The following PTPRK variants were observed in gnomAD, a reference collection of about 807,000 sequenced individuals.
PTPRK encodes protein tyrosine phosphatase receptor type K, also known as receptor-type tyrosine-protein phosphatase kappa.
In PTPRK, 75 loss-of-function variants were observed where a neutral mutation model predicts 178.0. That is an observed-to-expected ratio of 0.42 (90% CI 0.35 to 0.51). PTPRK has a LOEUF of 0.51. Among genes scored for constraint, PTPRK ranks in the 20% least tolerant of loss-of-function variants. The pLI is 0.02. For missense variants in PTPRK, 1,441 were observed against 1,797.8 expected (o/e 0.80, Z 3.59); for synonymous variants, 637 against 620.6 (o/e 1.03, Z -0.39).
At chr6:128,125,101 T>C (rs1228224276) in intron 7 of PTPRK, among the ~76,000 whole-genome samples, 5 of 152,264 alleles carry the variant, frequency 3.3e-5, no homozygotes, top group Admixed American at 6.5e-5. Flanking sequence ...TCAAATTTTC[T>C]GTACAATCCT....
chr6:128,076,137 T>A (rs1371558758), intron 11 of PTPRK, among the ~76,000 whole-genome samples: 3 of 151,932 alleles, frequency 2.0e-5, no homozygotes, highest in Non-Finnish European at 1.5e-5. Flanking sequence ...TTGCTTCAAG[T>A]ACATTTGAAG....
intron 6 of PTPRK, among the ~76,000 whole-genome samples, chr6:128,215,996 A>G (rs1320602317): frequency 6.6e-6 from 1 of 152,112 alleles, no homozygotes; most frequent in Non-Finnish European, 1.5e-5. Flanking sequence ...GGTTATCTCT[A>G]CAAACAAGAA....
chr6:128,471,611 A>G (rs1850668319), intron 1 of PTPRK, among the ~76,000 whole-genome samples: 1 of 148,938 alleles, frequency 6.7e-6, no homozygotes, highest in Non-Finnish European at 1.5e-5. Flanking sequence ...ACCTAAAAAA[A>G]AAAAAAAAAA....
chr6:128,370,740 T>G (rs1458292209), intron 2 of PTPRK, among the ~76,000 whole-genome samples: 1 of 152,170 alleles, frequency 6.6e-6, no homozygotes, highest in Non-Finnish European at 1.5e-5. Flanking sequence ...AGTCAATTCA[T>G]CTCACAAAAA....
At chr6:128,200,466 T>A (rs1474782677) in intron 6 of PTPRK, among the ~76,000 whole-genome samples, 1 of 152,120 alleles carries the variant, frequency 6.6e-6, no homozygotes, top group Non-Finnish European at 1.5e-5. Flanking sequence ...GGCTCACACC[T>A]ATTATCATAG....
intron 5 of PTPRK, among the ~76,000 whole-genome samples, chr6:128,224,598 T>C (rs1029803536): frequency 6.6e-6 from 1 of 152,202 alleles, no homozygotes; most frequent in African/African-American, 2.4e-5. Flanking sequence ...TGCATCAAGA[T>C]ATTACACGTG....
intron 1 of PTPRK, among the ~76,000 whole-genome samples, chr6:128,433,826 G>GTTTT (rs563277558): frequency 0.027 from 3,551 of 129,288 alleles, 186 homozygotes; most frequent in African/African-American, 0.095. Flanking sequence ...CTCTAACACT[G>GTTTT]TTTTTTTTTT....
chr6:128,007,947 T>A (rs577552280), intron 14 of PTPRK: 1 of 778,688 alleles, frequency 1.3e-6, no homozygotes, highest in Admixed American at 2.6e-5. Context: ...TCACATATGA[T>A]GTATTTTCCA....
chr6:128,320,153 C>T (rs1340664098), intron 3 of PTPRK, among the ~76,000 whole-genome samples: 2 of 152,138 alleles, frequency 1.3e-5, no homozygotes, highest in Non-Finnish European at 2.9e-5. Flanking sequence ...GTACTTCTTG[C>T]TTAAATACAC....
At chr6:128,059,215 A>G (rs1344567429) in intron 13 of PTPRK, among the ~76,000 whole-genome samples, 2 of 152,108 alleles carry the variant, frequency 1.3e-5, no homozygotes, top group Non-Finnish European at 2.9e-5. Context: ...TTAAATCTAC[A>G]CATTAATGTA....
At chr6:128,053,988 T>C (rs763173881) in intron 13 of PTPRK, among the ~76,000 whole-genome samples, 57 of 152,240 alleles carry the variant, frequency 3.7e-4, no homozygotes, top group Non-Finnish European at 2.5e-4. Context: ...ATATATGCTA[T>C]TGAGATTTTT....
At chr6:128,053,781 C>T (rs1779451849) in intron 13 of PTPRK, among the ~76,000 whole-genome samples, 1 of 152,188 alleles carries the variant, frequency 6.6e-6, no homozygotes, top group South Asian at 2.1e-4. Context: ...CAGGCTCTGA[C>T]AAGGTCTGTG....
rs181217818 is a variant in PTPRK, at chr6:128,156,332, C to T, written c.1162+28100G>A. On this transcript the variant is annotated intron_variant, in intron 7 of 29. Coordinates refer to ENST00000368226, the MANE Select transcript of PTPRK (RefSeq NM_002844.4). ...ATTCTCACATTGCTATAAAGAACTA[C>T]CTGAGACTCAGTAATTTAATCAAGG... Among the ~76,000 whole-genome samples, 217 of 151,930 alleles carry T rather than the reference C, an allele frequency of 1.4e-3. 2 individuals are homozygous for T. The highest frequency in any genetic ancestry group is 5.6e-3 in the Admixed American group (85 of 15,206).
At chr6:128,183,606 G>A (rs1339426141) in intron 7 of PTPRK, among the ~76,000 whole-genome samples, 1 of 151,866 alleles carries the variant, frequency 6.6e-6, no homozygotes, top group Non-Finnish European at 1.5e-5. Flanking sequence ...ACTCCTGGTG[G>A]GTAGCCCAAC....
Position 128,249,963 on chromosome 6 carries a change from G to C in PTPRK, c.496-7361C>G, listed in dbSNP as rs1387713692. On this transcript the variant is annotated intron_variant, in intron 3 of 29. Transcript: ENST00000368226. ...ATGTTGTGGGAGGGACCCAGTGAGA[G>C]GTAACTGAATCATGAAGGCAGTTTC... Among the ~76,000 whole-genome samples the C allele has an allele frequency of 2.0e-5, 3 of 152,170 alleles. No individual in the cohort carries two copies. In the East Asian group the frequency reaches 5.8e-4, roughly 29 times the overall value.
At chr6:128,192,249 A>G (rs1377800084) in intron 6 of PTPRK, among the ~76,000 whole-genome samples, 3 of 152,186 alleles carry the variant, frequency 2.0e-5, no homozygotes, top group Admixed American at 2.0e-4. Context: ...AGTAAAAAGC[A>G]TACCCCTGAA....
intron 4 of PTPRK, chr6:128,241,383 G>C (rs1467784136): frequency 2.6e-5 from 13 of 501,510 alleles, no homozygotes; most frequent in Admixed American, 2.6e-4. Flanking sequence ...AGAACCAGGG[G>C]AAGAGCCAAG....
chr6:128,241,351 C>A (rs1814407474), intron 4 of PTPRK: 2 of 529,788 alleles, frequency 3.8e-6, no homozygotes, highest in African/African-American at 1.9e-5. Context: ...ATTGTCAGGC[C>A]CCACCCCAGA....
At chr6:128,500,825 CGGGCT>C (rs1855455296) in intron 1 of PTPRK, 1 of 152,128 alleles carries the variant, frequency 6.6e-6, no homozygotes, top group Non-Finnish European at 1.5e-5. Flanking sequence ...CTCTGTTGCC[CGGGCT>C]AAGTGCAGTG....
Sources: gnomAD v4.1 joint callset for allele counts (sites outside exome capture counted in the v4.1 genomes callset) on GRCh38, gnomAD v4.1.1 for gene constraint, MANE v1.5 for transcripts, NCBI Gene and HGNC (gene_info 2026-07-23, HGNC 2026-07-21) for gene names.